The following CCDC170 variants were observed in gnomAD, a reference collection of about 807,000 sequenced individuals.
CCDC170 encodes coiled-coil domain containing 170.
In CCDC170, 69 loss-of-function variants were observed where a neutral mutation model predicts 72.6. The observed-to-expected ratio is 0.95, with a 90% confidence interval of 0.78 to 1.16. CCDC170 has a LOEUF of 1.16. CCDC170 is among the 50% of genes most tolerant of loss of function. The pLI is 0.00. For synonymous variants in CCDC170, 300 were observed against 303.9 expected, an observed-to-expected ratio of 0.99 and a Z score of 0.13; for missense variants, 852 against 832.5, an observed-to-expected ratio of 1.02 and a Z score of -0.29.
chr6:151,522,026 G>A (rs1486148425), intron 1 of CCDC170, among the ~76,000 whole-genome samples: 1 of 150,668 alleles, frequency 6.6e-6, no homozygotes, highest in African/African-American at 2.4e-5. Context: ...TGGGCATGTT[G>A]GCATGTGCCT....
chr6:151,538,340 T>C, intron 3 of CCDC170, 39 bp downstream of exon 3: 1 of 1,562,348 alleles, frequency 6.4e-7, no homozygotes, highest in East Asian at 2.3e-5. Context: ...TTAGCTAGCA[T>C]TAAAATACTA....
At position 151,608,540 on chromosome 6, in the gene CCDC170, G is replaced by A. The variant is rs79531798; in HGVS notation, c.1711-6903G>A. ...TTGGCTTTGGTTCTGGGAGGGTACC[G>A]TTGTGTAGTCTCTGTATGATTTCTT... On this transcript the variant is annotated intron_variant, in intron 9 of 10. Transcript: ENST00000239374. 9.9e-3 allele frequency among the ~76,000 whole-genome samples: 1,507 copies of A among 152,318 alleles called. 24 individuals are homozygous for A. Among genetic ancestry groups the A allele is most frequent in the African/African-American group, 0.034 (1,398 of 41,558 alleles).
intron 9 of CCDC170, among the ~76,000 whole-genome samples, chr6:151,610,284 C>A (rs558913160): frequency 8.1e-4 from 123 of 152,158 alleles, no homozygotes; most frequent in African/African-American, 2.9e-3. Flanking sequence ...ACATATATAT[C>A]AAAAAAATTC....
At chr6:151,566,516 T>A (rs1226835552) in intron 5 of CCDC170, among the ~76,000 whole-genome samples, 4 of 152,004 alleles carry the variant, frequency 2.6e-5, no homozygotes, top group African/African-American at 7.2e-5. Context: ...ATAAAATGAA[T>A]GAACAGAAAA....
chr6:151,611,206 C>T (rs1284137538), intron 9 of CCDC170, among the ~76,000 whole-genome samples: 3 of 151,712 alleles, frequency 2.0e-5, no homozygotes, highest in African/African-American at 7.3e-5. Flanking sequence ...ACCCGGGAGG[C>T]GGAGGTTGCA....
chr6:151,595,257 C>T (rs1373495835), intron 8 of CCDC170, among the ~76,000 whole-genome samples: 1 of 152,000 alleles, frequency 6.6e-6, no homozygotes, highest in Non-Finnish European at 1.5e-5. Context: ...ACATGTGGAG[C>T]CTAGGAAGCT....
intron 6 of CCDC170, among the ~76,000 whole-genome samples, chr6:151,578,035 C>G (rs183065479): frequency 1.7e-4 from 26 of 152,306 alleles, no homozygotes; most frequent in Admixed American, 7.2e-4. Context: ...GATTATCATT[C>G]TCCTGCTCTG....
chr6:151,603,664 C>T (rs1225822890), intron 9 of CCDC170, among the ~76,000 whole-genome samples: 3 of 152,158 alleles, frequency 2.0e-5, no homozygotes, highest in African/African-American at 4.8e-5. Flanking sequence ...CATTTATTCC[C>T]TTCTCACTGG....
At chr6:151,603,480 T>C (rs1292194126) in intron 9 of CCDC170, among the ~76,000 whole-genome samples, 1 of 152,230 alleles carries the variant, frequency 6.6e-6, no homozygotes, top group Non-Finnish European at 1.5e-5. Flanking sequence ...CATAGCCTTA[T>C]ACACAAATGC....
chr6:151,574,598 T>C (rs116937995), intron 6 of CCDC170, among the ~76,000 whole-genome samples: 181 of 152,302 alleles, frequency 1.2e-3, no homozygotes, highest in Non-Finnish European at 2.1e-3. Flanking sequence ...TTCACAGGTC[T>C]GTAGCTAAGC....
At chr6:151,513,091 T>C (rs559648252) in intron 1 of CCDC170, among the ~76,000 whole-genome samples, 1 of 152,314 alleles carries the variant, frequency 6.6e-6, no homozygotes, top group African/African-American at 2.4e-5. Context: ...AGATTTATAA[T>C]AGTGATCAAT....
intron 1 of CCDC170, among the ~76,000 whole-genome samples, chr6:151,507,241 C>T (rs1782078982): frequency 6.6e-6 from 1 of 152,038 alleles, no homozygotes; most frequent in Non-Finnish European, 1.5e-5. Context: ...GCTGACCAAT[C>T]CATCGGTGCT....
chr6:151,563,769 CAGTCAGGGGAT>C (rs1464029545), intron 5 of CCDC170, among the ~76,000 whole-genome samples: 2 of 152,156 alleles, frequency 1.3e-5, no homozygotes, highest in Non-Finnish European at 2.9e-5. Context: ...AGCAGTTTAA[CAGTCAGGGGAT>C]AGTCAGAGAG....
intron 5 of CCDC170, among the ~76,000 whole-genome samples, chr6:151,548,975 G>C: frequency 6.6e-6 from 1 of 151,982 alleles, no homozygotes; most frequent in East Asian, 1.9e-4. Flanking sequence ...ATCTTGGCTT[G>C]CTGAAGCTCC....
intron 9 of CCDC170, among the ~76,000 whole-genome samples, chr6:151,609,476 TGA>T (rs373160979): frequency 6.6e-6 from 1 of 152,182 alleles, no homozygotes; most frequent in African/African-American, 2.4e-5. Context: ...CCTTATAACA[TGA>T]GAGAATTGTT....
In CCDC170 at chr6:151,609,439, A is replaced by G. The variant is rs557919701; in HGVS notation, c.1711-6004A>G. Among the ~76,000 whole-genome samples, 237 of 152,296 alleles carry G rather than the reference A, an allele frequency of 1.6e-3. 1 individual carries two copies. The highest frequency in any genetic ancestry group is 5.2e-3 in the African/African-American group (215 of 41,548). ...GCCAACACACCAAAATTTAAATTTG[A>G]TCATCTTCCCTTTCTGGGTCTTTGG... On this transcript the variant is annotated intron_variant, in intron 9 of 10. Coordinates refer to ENST00000239374, the MANE Select transcript of CCDC170 (RefSeq NM_025059.4).
At chr6:151,596,985 C>T (rs1776636179) in intron 9 of CCDC170, among the ~76,000 whole-genome samples, 1 of 152,164 alleles carries the variant, frequency 6.6e-6, no homozygotes. Context: ...CGCCACCACG[C>T]CTGGCTAATT....
At chr6:151,514,104 C>CCAGCCTGTCCAGGTGT (rs1382080322) in intron 1 of CCDC170, among the ~76,000 whole-genome samples, 5 of 151,282 alleles carry the variant, frequency 3.3e-5, no homozygotes, top group Non-Finnish European at 1.5e-5. Context: ...GAAATTTTGA[C>CCAGCCTGTCCAGGTGT]CAGCCTGGAC....
intron 9 of CCDC170, among the ~76,000 whole-genome samples, chr6:151,602,802 C>CTTT (rs756217308): frequency 1.4e-5 from 2 of 141,342 alleles, no homozygotes; most frequent in African/African-American, 5.2e-5. Context: ...ATATTTCTTT[C>CTTT]TTTTTTTTTT....
Sources: allele counts gnomAD v4.1 joint callset (sites outside exome capture counted in the v4.1 genomes callset), GRCh38; gene constraint gnomAD v4.1.1; transcripts MANE v1.5; gene names NCBI Gene and HGNC (gene_info 2026-07-23, HGNC 2026-07-21).